The following NBAS variants were observed in gnomAD, a reference collection of about 807,000 sequenced individuals.
NBAS encodes NBAS subunit of NRZ tethering complex, also known as NAG/BC035112 fusion.
In NBAS, 219 loss-of-function variants were observed where a neutral mutation model predicts 302.5. That is an observed-to-expected ratio of 0.72 (90% CI 0.65 to 0.81). The LOEUF (loss-of-function observed/expected upper bound fraction) is 0.81. Ranked by LOEUF, NBAS falls within the 30% of genes least tolerant of loss-of-function variation. The probability of loss-of-function intolerance (pLI) is 0.00; values close to 1 mark genes in which losing one functional copy is unlikely to be tolerated. For missense variants in NBAS, 2,932 were observed against 2,841.6 expected (o/e 1.03, Z -0.72); for synonymous variants, 1,118 against 1,021.6 (o/e 1.09, Z -1.80).
Position 15,294,368 on chromosome 2 carries a change from T to C in NBAS, c.4798-1602A>G, listed in dbSNP as rs868701996. On this transcript the variant is annotated intron_variant, in intron 40 of 51. Coordinates refer to ENST00000281513, the MANE Select transcript of NBAS (RefSeq NM_015909.4). Reference sequence around the variant, plus strand: ...GCTAAGGCTTGAGGGAAAAATGAAGTGTATAAGCCAAATCTAACTGCAATT... The same window carrying C: ...GCTAAGGCTTGAGGGAAAAATGAAGCGTATAAGCCAAATCTAACTGCAATT... Among the ~76,000 whole-genome samples, 5 of 152,014 alleles carry C rather than the reference T, an allele frequency of 3.3e-5. No homozygotes were observed. In the South Asian group the frequency reaches 8.3e-4, roughly 25 times the overall value.
At chr2:14,885,426 G>A in the NBAS span, among the ~76,000 whole-genome samples, 1 of 152,156 alleles carries the variant, frequency 6.6e-6, no homozygotes, top group African/African-American at 2.4e-5. Context: ...TAGAAGAGGT[G>A]GAAGTATGAA....
At chr2:15,515,348 AG>A (rs1295819451) in intron 9 of NBAS, among the ~76,000 whole-genome samples, 2 of 152,218 alleles carry the variant, frequency 1.3e-5, no homozygotes, top group African/African-American at 2.4e-5. Flanking sequence ...GTTTTTCTTC[AG>A]TTATACATGC....
At chr2:15,270,725 T>TA (rs1180123252) in intron 44 of NBAS, among the ~76,000 whole-genome samples, 2 of 152,158 alleles carry the variant, frequency 1.3e-5, no homozygotes, top group African/African-American at 2.4e-5. Flanking sequence ...ACTTCTCAAT[T>TA]AACATAACTT....
At chr2:14,991,545 C>T in the NBAS span, among the ~76,000 whole-genome samples, 86 of 152,300 alleles carry the variant, frequency 5.6e-4, no homozygotes, top group Non-Finnish European at 8.8e-4. Flanking sequence ...CTTTGAAGTA[C>T]GTTAGAAACA....
At chr2:15,055,294 A>G in the NBAS span, among the ~76,000 whole-genome samples, 1 of 152,222 alleles carries the variant, frequency 6.6e-6, no homozygotes, top group African/African-American at 2.4e-5. Flanking sequence ...GATCTGGAAG[A>G]GGAAGACTGA....
At chr2:15,431,290 C>CA (rs139438008) in intron 21 of NBAS, among the ~76,000 whole-genome samples, 3,729 of 152,000 alleles carry the variant, frequency 0.025, 148 homozygotes, top group African/African-American at 0.085. Context: ...CATGTAAAAA[C>CA]AAAAAAACCC....
At chr2:15,114,783 T>A in the NBAS span, among the ~76,000 whole-genome samples, 1 of 152,214 alleles carries the variant, frequency 6.6e-6, no homozygotes, top group African/African-American at 2.4e-5. Flanking sequence ...TCTAGTTCAT[T>A]ATGCTGCACA....
the NBAS span, among the ~76,000 whole-genome samples, chr2:15,136,922 A>C: frequency 6.6e-6 from 1 of 152,168 alleles, no homozygotes; most frequent in African/African-American, 2.4e-5. Context: ...CCATGATTGT[A>C]AGTTTCCTGA....
At chr2:14,986,229 GAA>G in the NBAS span, among the ~76,000 whole-genome samples, 6 of 146,146 alleles carry the variant, frequency 4.1e-5, no homozygotes, top group Admixed American at 6.8e-5. Context: ...CATAATTGGG[GAA>G]AAAAAAAAAC....
chr2:15,495,293 C>T (rs1681023593), intron 11 of NBAS, among the ~76,000 whole-genome samples: 1 of 152,122 alleles, frequency 6.6e-6, no homozygotes, highest in Non-Finnish European at 1.5e-5. Context: ...AAGGCACTAC[C>T]ACCTATACAG....
At chr2:15,114,159 G>T in the NBAS span, among the ~76,000 whole-genome samples, 1 of 152,162 alleles carries the variant, frequency 6.6e-6, no homozygotes, top group African/African-American at 2.4e-5. Context: ...TAAAGGTGGA[G>T]AATGGTGGTA....
At chr2:15,137,134 C>T in the NBAS span, among the ~76,000 whole-genome samples, 5 of 152,162 alleles carry the variant, frequency 3.3e-5, no homozygotes, top group East Asian at 1.9e-4. Flanking sequence ...AAAACAGAAC[C>T]TCACCAGGTA....
At chr2:14,798,373 C>T in the NBAS span, among the ~76,000 whole-genome samples, 6 of 152,082 alleles carry the variant, frequency 3.9e-5, no homozygotes, top group Non-Finnish European at 8.8e-5. Flanking sequence ...TATGTTAATA[C>T]AGTGAATTAC....
At chr2:15,098,575 A>ATGTTATATATT in the NBAS span, among the ~76,000 whole-genome samples, 261 of 88,182 alleles carry the variant, frequency 3.0e-3, 2 homozygotes, top group African/African-American at 7.8e-3. Flanking sequence ...TATTGTATAT[A>ATGTTATATATT]ATGTATTATA....
At chr2:14,824,843 G>C in the NBAS span, among the ~76,000 whole-genome samples, 20 of 152,024 alleles carry the variant, frequency 1.3e-4, no homozygotes. Flanking sequence ...GAGATGTTTA[G>C]AATTCCACCA....
intron 40 of NBAS, among the ~76,000 whole-genome samples, chr2:15,305,449 G>GCTTTTT (rs766552962): frequency 1.6e-5 from 2 of 123,804 alleles, no homozygotes. Context: ...GTCTCGAGCA[G>GCTTTTT]TTTTTTTTTT....
At chr2:15,054,143 G>A in the NBAS span, among the ~76,000 whole-genome samples, 45 of 152,206 alleles carry the variant, frequency 3.0e-4, no homozygotes, top group Middle Eastern at 6.8e-3. Flanking sequence ...CTCAACATGC[G>A]ACAGCCACTC....
chr2:14,905,853 G>A, the NBAS span, among the ~76,000 whole-genome samples: 1 of 152,272 alleles, frequency 6.6e-6, no homozygotes, highest in African/African-American at 2.4e-5. Context: ...ACTTCCCCAA[G>A]GAGGCTTGTA....
chr2:14,886,547 A>G, the NBAS span: 1 of 152,142 alleles, frequency 6.6e-6, no homozygotes, highest in Non-Finnish European at 1.5e-5. Context: ...CATCTCTATA[A>G]ATTGTACCTA....
Sources: gnomAD v4.1 joint callset for allele counts (sites outside exome capture counted in the v4.1 genomes callset) on GRCh38, gnomAD v4.1.1 for gene constraint, MANE v1.5 for transcripts, NCBI Gene and HGNC (gene_info 2026-07-23, HGNC 2026-07-21) for gene names.